The following DOK6 variants were observed in gnomAD, a reference collection of about 807,000 sequenced individuals.
The protein encoded by DOK6 is docking protein 6, also known as downstream of tyrosine kinase 6.
Under a neutral mutation model 44.0 loss-of-function variants are expected in DOK6, and 22 were observed. That is an observed-to-expected ratio of 0.50 (90% CI 0.36 to 0.71). The LOEUF (loss-of-function observed/expected upper bound fraction) is 0.71. Among genes scored for constraint, DOK6 ranks in the 30% least tolerant of loss-of-function variants. DOK6 has a pLI of 0.00. For synonymous variants in DOK6, 166 were observed against 145.5 expected, an observed-to-expected ratio of 1.14 and a Z score of -1.01; for missense variants, 340 against 416.4, an observed-to-expected ratio of 0.82 and a Z score of 1.60.
chr18:69,543,241 A>G (rs1018726236), intron 1 of DOK6, among the ~76,000 whole-genome samples: 1 of 151,592 alleles, frequency 6.6e-6, no homozygotes, highest in Non-Finnish European at 1.5e-5. Flanking sequence ...TGAAATTTTC[A>G]GTGTGCCAGA....
At chr18:69,787,082 G>T (rs1980452619) in intron 7 of DOK6, among the ~76,000 whole-genome samples, 1 of 152,142 alleles carries the variant, frequency 6.6e-6, no homozygotes, top group Non-Finnish European at 1.5e-5. Flanking sequence ...CAGGCGTGGT[G>T]GTGCATGCCT....
At chr18:69,640,731 C>A (rs762018104) in intron 3 of DOK6, among the ~76,000 whole-genome samples, 3 of 152,092 alleles carry the variant, frequency 2.0e-5, no homozygotes, top group African/African-American at 4.8e-5. Flanking sequence ...AAAATATTTC[C>A]TTTTTCCAAG....
intron 3 of DOK6, among the ~76,000 whole-genome samples, chr18:69,609,976 T>G (rs1984099254): frequency 1.3e-5 from 2 of 152,180 alleles, no homozygotes; most frequent in Admixed American, 1.3e-4. Context: ...AATAGTCAAA[T>G]TTGTAAACCC....
intron 1 of DOK6, among the ~76,000 whole-genome samples, chr18:69,460,353 C>T (rs1429697339): frequency 6.6e-6 from 1 of 152,042 alleles, no homozygotes; most frequent in Non-Finnish European, 1.5e-5. Context: ...AATTATTGTA[C>T]ATTGACATGA....
intron 1 of DOK6, among the ~76,000 whole-genome samples, chr18:69,443,696 C>T (rs1045607634): frequency 3.9e-5 from 6 of 152,064 alleles, no homozygotes; most frequent in Non-Finnish European, 5.9e-5. Context: ...ACTTTCTATC[C>T]CTTGTACTAA....
At chr18:69,464,190 C>T (rs1424419782) in intron 1 of DOK6, among the ~76,000 whole-genome samples, 2 of 152,188 alleles carry the variant, frequency 1.3e-5, no homozygotes. Flanking sequence ...TAATGATAGA[C>T]TCACTTCTAA....
intron 5 of DOK6, among the ~76,000 whole-genome samples, chr18:69,700,703 A>G (rs896783908): frequency 6.6e-6 from 1 of 152,178 alleles, no homozygotes; most frequent in Non-Finnish European, 1.5e-5. Context: ...TAAATTCCAG[A>G]TGACTTCACT....
intron 1 of DOK6, among the ~76,000 whole-genome samples, chr18:69,530,228 A>G (rs996531658): frequency 2.6e-5 from 4 of 152,196 alleles, no homozygotes; most frequent in East Asian, 1.9e-4. Flanking sequence ...ATACCACACT[A>G]TGTTGACTAC....
At chr18:69,470,669 T>C (rs1201211570) in intron 1 of DOK6, among the ~76,000 whole-genome samples, 1 of 143,070 alleles carries the variant, frequency 7.0e-6, no homozygotes, top group Non-Finnish European at 1.5e-5. Context: ...GAGAAAGCAA[T>C]AACATAGGGC....
intron 7 of DOK6, among the ~76,000 whole-genome samples, chr18:69,825,711 T>G (rs561000357): frequency 6.6e-6 from 1 of 152,254 alleles, no homozygotes; most frequent in African/African-American, 2.4e-5. Context: ...AAATGATTAT[T>G]ACTCATAAAA....
At chr18:69,486,649 C>G (rs1226719184) in intron 1 of DOK6, among the ~76,000 whole-genome samples, 1 of 152,112 alleles carries the variant, frequency 6.6e-6, no homozygotes, top group Non-Finnish European at 1.5e-5. Context: ...TCAAATCTAT[C>G]AAGTGAAACT....
At chr18:69,793,177 G>A (rs139625726) in intron 7 of DOK6, among the ~76,000 whole-genome samples, 2 of 152,228 alleles carry the variant, frequency 1.3e-5, no homozygotes, top group East Asian at 3.9e-4. Flanking sequence ...TCAATAGATT[G>A]ACTTATAGTT....
At chr18:69,600,457 C>A (rs1369125096) in intron 3 of DOK6, among the ~76,000 whole-genome samples, 10 of 152,108 alleles carry the variant, frequency 6.6e-5, no homozygotes, top group Non-Finnish European at 1.5e-4. Context: ...CACTTGCCAT[C>A]TGACCTCCTT....
chr18:69,552,572 A>G (rs908723518), intron 1 of DOK6, among the ~76,000 whole-genome samples: 1 of 152,230 alleles, frequency 6.6e-6, no homozygotes, highest in African/African-American at 2.4e-5. Flanking sequence ...AACATTTGCT[A>G]TGTGAATAAG....
At chr18:69,596,627 T>TTG (rs1418714603) in intron 2 of DOK6, among the ~76,000 whole-genome samples, 2 of 152,102 alleles carry the variant, frequency 1.3e-5, no homozygotes, top group Non-Finnish European at 2.9e-5. Flanking sequence ...ACAAAGAATC[T>TTG]TGTATTCTTC....
In DOK6 at chr18:69,647,100, ATCTG is replaced by A. The variant is rs537199548; in HGVS notation, c.290-30630_290-30627del. Among the ~76,000 whole-genome samples, 112 of 139,772 alleles carry A rather than the reference ATCTG, an allele frequency of 8.0e-4. 1 individual carries two copies. The highest frequency in any genetic ancestry group is 1.4e-3 in the Admixed American group (19 of 13,500). 91.7% of individuals were successfully genotyped at this position (139,772 alleles called of 152,430 possible). A position where few individuals can be genotyped will look rare whatever the true frequency, so the allele number is the denominator to read the frequency against. ...TCTGTCTATCCTATCTGTCTATCCT[ATCTG>A]TCTATCTATCCTATCTGTCTATCCT... On this transcript the variant is annotated intron_variant, in intron 3 of 7. Coordinates refer to ENST00000382713, the MANE Select transcript of DOK6 (RefSeq NM_152721.6).
chr18:69,653,346 G>A (rs1212515407), intron 3 of DOK6, among the ~76,000 whole-genome samples: 3 of 151,542 alleles, frequency 2.0e-5, no homozygotes, highest in Non-Finnish European at 4.4e-5. Flanking sequence ...GCTAACTTCC[G>A]AGGCAGCCAG....
intron 4 of DOK6, among the ~76,000 whole-genome samples, chr18:69,688,122 G>T (rs1986191054): frequency 1.3e-5 from 2 of 151,980 alleles, no homozygotes; most frequent in African/African-American, 4.8e-5. Context: ...CATACTGAGG[G>T]ATAAACTAGC....
chr18:69,604,947 A>C (rs1214958412), intron 3 of DOK6, among the ~76,000 whole-genome samples: 1 of 152,130 alleles, frequency 6.6e-6, no homozygotes, highest in Non-Finnish European at 1.5e-5. Context: ...AGTCTGAAGA[A>C]ACCCACTTTC....
Sources: gnomAD v4.1 joint callset for allele counts (sites outside exome capture counted in the v4.1 genomes callset) on GRCh38, gnomAD v4.1.1 for gene constraint, MANE v1.5 for transcripts, NCBI Gene and HGNC (gene_info 2026-07-23, HGNC 2026-07-21) for gene names.